GPATCH2L: variants seen among roughly 807,000 people sequenced by gnomAD.
GPATCH2L encodes G-patch domain containing 2 like, also known as G patch domain-containing protein 2-like.
A neutral mutation model predicts 57.4 loss-of-function variants in GPATCH2L; 31 were observed. The ratio of observed to expected loss-of-function variants is 0.54; its 90% CI spans 0.41 to 0.73. The LOEUF (loss-of-function observed/expected upper bound fraction) is 0.73. Ranked by LOEUF, GPATCH2L falls within the 30% of genes least tolerant of loss-of-function variation. GPATCH2L has a pLI of 0.00. For synonymous variants in GPATCH2L, 199 were observed against 210.7 expected, an observed-to-expected ratio of 0.94 and a Z score of 0.48; for missense variants, 481 against 599.9, an observed-to-expected ratio of 0.80 and a Z score of 2.07.
downstream of GPATCH2L, among the ~76,000 whole-genome samples, chr14:76,215,035 G>C (rs142861486): frequency 4.6e-5 from 7 of 151,748 alleles, no homozygotes; most frequent in African/African-American, 1.7e-4. Context: ...TTTTATCATT[G>C]CTCCTCTAGA....
intron 8 of GPATCH2L, among the ~76,000 whole-genome samples, chr14:76,186,782 A>G (rs1446269978): frequency 2.0e-5 from 3 of 152,118 alleles, no homozygotes; most frequent in Non-Finnish European, 4.4e-5. Flanking sequence ...TTTCCATTGT[A>G]AGATACCCAT....
rs1314901338 is a variant in GPATCH2L at position 76,178,040 on chromosome 14, G to A, written c.1105G>A (p.Glu369Lys). The part of the protein sequence containing the change: ...DFPHISACAH[E>K]FNPLSPLYSL... ...TCCTCACATTTCTGCTTGTGCACATGAGGTAAGGTTTCCTCTTTCTTGTTA... is the reference window on the plus strand; with the variant it reads ...TCCTCACATTTCTGCTTGTGCACATAAGGTAAGGTTTCCTCTTTCTTGTTA... The change falls in exon 7 of 10, where the codon GAG (glutamate) becomes AAG (lysine). Residue 369 changes from glutamate (E) to lysine (K), a missense_variant and splice_region_variant. This residue lies in a region of GPATCH2L where 248 missense variants were observed against 270.5 expected (regional missense o/e 0.92). Coordinates refer to ENST00000261530, the MANE Select transcript of GPATCH2L (RefSeq NM_017926.4). 6.3e-7 allele frequency: 1 copy of A among 1,599,908 alleles called. No homozygotes were observed. The highest frequency in any genetic ancestry group is 8.6e-7 in the Non-Finnish European group (1 of 1,168,228).
intron 8 of GPATCH2L, among the ~76,000 whole-genome samples, chr14:76,195,157 C>T (rs574518269): frequency 6.6e-6 from 1 of 152,046 alleles, no homozygotes; most frequent in African/African-American, 2.4e-5. Flanking sequence ...TCTTCACATA[C>T]GTAAAGATTT....
rs1240486378 is a variant in GPATCH2L at position 76,212,134 on chromosome 14, C to T, written c.*10283C>T. On this transcript the variant is annotated 3_prime_UTR_variant, in exon 10 of 10. Coordinates refer to ENST00000261530, the MANE Select transcript of GPATCH2L (RefSeq NM_017926.4). ...ATTATCACTAGAAGAAAAATTCAGACTGCTAATTATGAGAAAAAACATGTA... is the reference window on the plus strand; with the variant it reads ...ATTATCACTAGAAGAAAAATTCAGATTGCTAATTATGAGAAAAAACATGTA... 2.6e-5 allele frequency: 4 copies of T among 151,988 alleles called. No individual in the cohort carries two copies. The highest frequency in any genetic ancestry group is 6.6e-5 in the Admixed American group (1 of 15,248). 9.4% of individuals were successfully genotyped at this position (151,988 alleles called of 1,614,324 possible). A position where few individuals can be genotyped will look rare whatever the true frequency, so the allele number is the denominator to read the frequency against.
chr14:76,192,297 G>A (rs2040003811), intron 8 of GPATCH2L, among the ~76,000 whole-genome samples: 1 of 151,824 alleles, frequency 6.6e-6, no homozygotes, highest in African/African-American at 2.4e-5. Context: ...TTAAAACCAA[G>A]GAAGAAGCAA....
In GPATCH2L at chr14:76,211,761, C is replaced by A. The variant is rs1401539992; in HGVS notation, c.*9910C>A. On this transcript the variant is annotated 3_prime_UTR_variant, in exon 10 of 10. Transcript: ENST00000261530. ...TACAGGAAGTGCCCATGGGATAAAA[C>A]CAATCTGCTGGCTCACACTAAGTTC... 6.6e-6 allele frequency: 1 copy of A among 152,170 alleles called. No homozygotes were observed. 9.4% of individuals were successfully genotyped at this position (152,170 alleles called of 1,614,324 possible). A position where few individuals can be genotyped will look rare whatever the true frequency, so the allele number is the denominator to read the frequency against.
chr14:76,217,631 A>G (rs1244641575), downstream of GPATCH2L, among the ~76,000 whole-genome samples: 1 of 149,240 alleles, frequency 6.7e-6, no homozygotes, highest in Non-Finnish European at 1.5e-5. Flanking sequence ...CACAGTAAGC[A>G]AACTAAAATA....
chr14:76,201,892 T>C lies in GPATCH2L; in HGVS notation c.*41T>C, dbSNP rs762582541. The C allele has an allele frequency of 6.4e-7, 1 of 1,566,544 alleles. No homozygotes were observed. The highest frequency in any genetic ancestry group is 2.3e-5 in the East Asian group (1 of 44,364). ...CCTCCAGGAGCTGACTGGGTGTTGC[T>C]GAAGCAAATGTTGGACTTTGTGTTA... On this transcript the variant is annotated 3_prime_UTR_variant, in exon 10 of 10. Coordinates refer to ENST00000261530, the MANE Select transcript of GPATCH2L (RefSeq NM_017926.4).
intron 2 of GPATCH2L, among the ~76,000 whole-genome samples, chr14:76,232,019 T>TGCAGCC (rs1351063450): frequency 2.2e-4 from 1 of 4,610 alleles, no homozygotes; most frequent in African/African-American, 9.9e-4. Flanking sequence ...TCAAGCAATC[T>TGCAGCC]TCCTGCTTCA....
At position 76,205,661 on chromosome 14, in the gene GPATCH2L, A is replaced by G. The variant is rs937337030; in HGVS notation, c.*3810A>G. The G allele has an allele frequency of 6.6e-6, 1 of 152,262 alleles. No individual in the cohort carries two copies. The allele number at this position is 152,262 out of a possible 1,614,324, so 9.4% of individuals were successfully genotyped here. On this transcript the variant is annotated 3_prime_UTR_variant, in exon 10 of 10. Transcript: ENST00000261530. ...GTAGCTGTATCTGTATACCTGTAAT[A>G]TAGCCTGGGAAGTTCTGTTGCTGCA...
intron 6 of GPATCH2L, among the ~76,000 whole-genome samples, chr14:76,176,970 A>G (rs2139691480): frequency 7.0e-6 from 1 of 143,854 alleles, no homozygotes; most frequent in Non-Finnish European, 1.5e-5. Context: ...TTCTGTCCCT[A>G]AATTTTTTTT....
chr14:76,224,078 T>G lies in GPATCH2L; in HGVS notation c.66-5730T>G, dbSNP rs11850892. On this transcript the variant is annotated intron_variant and NMD_transcript_variant, in intron 1 of 3. Coordinates refer to the GPATCH2L transcript ENST00000556372. ...GCCATGAAAAGACTGAAGTACTGAT[T>G]CATGTGGCAACATGGATTAACTTTG... 5.3e-3 allele frequency among the ~76,000 whole-genome samples: 814 copies of G among 152,330 alleles called. 8 individuals are homozygous for G. Among genetic ancestry groups the G allele is most frequent in the African/African-American group, 0.018 (757 of 41,576 alleles).
At chr14:76,183,477 A>T (rs1018362987) in intron 8 of GPATCH2L, among the ~76,000 whole-genome samples, 1 of 151,978 alleles carries the variant, frequency 6.6e-6, no homozygotes, top group African/African-American at 2.4e-5. Context: ...CAAAAAAATT[A>T]TAGCAAAATT....
rs1158791188 is a variant in GPATCH2L, at chr14:76,207,539, A to G, written c.*5688A>G. The G allele has an allele frequency of 2.6e-5, 4 of 151,992 alleles. No individual in the cohort carries two copies. In the South Asian group the frequency reaches 8.3e-4, roughly 31 times the overall value. 9.4% of individuals were successfully genotyped at this position (151,992 alleles called of 1,614,324 possible). On this transcript the variant is annotated 3_prime_UTR_variant, in exon 10 of 10. Transcript: ENST00000261530. ...TACGGCTCATAAAAATGAAAAAAAAAATTGGAAGAAAAAAACACCTTGGGT... is the reference window on the plus strand; with the variant it reads ...TACGGCTCATAAAAATGAAAAAAAAGATTGGAAGAAAAAAACACCTTGGGT...
chr14:76,194,435 A>G (rs1163014249), intron 8 of GPATCH2L, among the ~76,000 whole-genome samples: 1 of 151,904 alleles, frequency 6.6e-6, no homozygotes, highest in Non-Finnish European at 1.5e-5. Flanking sequence ...ATATTTTCCT[A>G]TTTATAAATT....
chr14:76,223,727 C>T (rs2040525185), intron 1 of GPATCH2L, among the ~76,000 whole-genome samples: 1 of 152,098 alleles, frequency 6.6e-6, no homozygotes, highest in Non-Finnish European at 1.5e-5. Flanking sequence ...ACTCTTATGA[C>T]TCAACAACCA....
intron 7 of GPATCH2L, among the ~76,000 whole-genome samples, chr14:76,180,526 T>G (rs2039522317): frequency 1.3e-5 from 2 of 152,198 alleles, no homozygotes; most frequent in South Asian, 4.1e-4. Flanking sequence ...ATGTCAGAAG[T>G]TTTTGAAAAA....
In GPATCH2L at chr14:76,154,426, T is replaced by A; in HGVS notation, c.63T>A (p.Leu21=). Residue 21 remains leucine (L), a synonymous_variant, in exon 2 of 10, where the codon CTT becomes CTA. Transcript: ENST00000261530. This position sits in a 1 kb window ranked among gnomAD's most constrained non-coding sequence, Gnocchi z 4.4. Reference sequence around the variant, plus strand: ...AGCAGACATCTGAGCAGAATAAGCTTGGTGAACTGTGGGAGGAGATGGCGC... The same window carrying A: ...AGCAGACATCTGAGCAGAATAAGCTAGGTGAACTGTGGGAGGAGATGGCGC... ...ALEQTSEQNK[L]GELWEEMALS... is the part of the protein sequence containing the mutation. 1 of 1,614,150 alleles carries A rather than the reference T, an allele frequency of 6.2e-7. No individual in the cohort carries two copies. The highest frequency in any genetic ancestry group is 8.5e-7 in the Non-Finnish European group (1 of 1,180,022).
At chr14:76,165,404 A>C (rs2038785030) in intron 2 of GPATCH2L, among the ~76,000 whole-genome samples, 1 of 151,390 alleles carries the variant, frequency 6.6e-6, no homozygotes, top group African/African-American at 2.4e-5. Flanking sequence ...AGGTAGGAGA[A>C]TTGCTTGAAC....
Sources: gnomAD v4.1 joint callset for allele counts (sites outside exome capture counted in the v4.1 genomes callset) on GRCh38, gnomAD v4.1.1 for gene constraint, gnomAD v4.1.1 regional missense constraint, Gnocchi (gnomAD v3.1) non-coding constraint, MANE v1.5 for transcripts, NCBI Gene and HGNC (gene_info 2026-07-23, HGNC 2026-07-21) for gene names.